MAGI2: variants seen among roughly 807,000 people sequenced by gnomAD.
MAGI2 encodes the protein membrane-associated guanylate kinase, WW and PDZ domain-containing protein 2.
In MAGI2, 35 loss-of-function variants were observed where a neutral mutation model predicts 133.3. The observed-to-expected ratio is 0.26, with a 90% CI of 0.20 to 0.35. MAGI2 has a LOEUF of 0.35. Ranked by LOEUF, MAGI2 falls within the 10% of genes least tolerant of loss-of-function variation. The pLI is 1.00. For synonymous variants in MAGI2, 729 were observed against 710.6 expected (o/e 1.03, Z -0.41); for missense variants, 1,636 against 1,863.4 (o/e 0.88, Z 2.25).
At chr7:78,863,328 T>C (rs764767597) in intron 2 of MAGI2, among the ~76,000 whole-genome samples, 11 of 152,172 alleles carry the variant, frequency 7.2e-5, no homozygotes, top group Non-Finnish European at 1.3e-4. Flanking sequence ...CTTTTCTGGC[T>C]GAAAAATTGT....
chr7:79,279,572 A>T (rs745460650), intron 1 of MAGI2, among the ~76,000 whole-genome samples: 2 of 152,100 alleles, frequency 1.3e-5, no homozygotes, highest in Non-Finnish European at 2.9e-5. Context: ...GAAAGGCCCA[A>T]GTGGGAGAAT....
At chr7:78,731,963 C>A (rs1008833992) in intron 2 of MAGI2, among the ~76,000 whole-genome samples, 3 of 151,810 alleles carry the variant, frequency 2.0e-5, no homozygotes, top group Admixed American at 2.0e-4. Context: ...ACATTCCAGG[C>A]TTGAAGTGAA....
chr7:78,514,762 GCA>G (rs1795900155), intron 4 of MAGI2, among the ~76,000 whole-genome samples: 1 of 152,204 alleles, frequency 6.6e-6, no homozygotes, highest in Admixed American at 6.5e-5. Flanking sequence ...GATGGTGCAT[GCA>G]CAGTCAGCGT....
intron 21 of MAGI2, among the ~76,000 whole-genome samples, chr7:78,056,315 T>G (rs1242445126): frequency 6.6e-6 from 1 of 152,230 alleles, no homozygotes; most frequent in Admixed American, 6.5e-5. Context: ...ATCCCATTAC[T>G]GGGTATATAC....
chr7:78,721,524 G>A (rs1336307830), intron 2 of MAGI2, among the ~76,000 whole-genome samples: 1 of 151,920 alleles, frequency 6.6e-6, no homozygotes, highest in Admixed American at 6.6e-5. Context: ...GGCAGGTCCC[G>A]GGTAGATGCA....
At chr7:78,343,361 TG>T (rs57636309) in intron 9 of MAGI2, among the ~76,000 whole-genome samples, 2,851 of 152,278 alleles carry the variant, frequency 0.019, 40 homozygotes, top group Non-Finnish European at 0.028. Flanking sequence ...CCGTATGAGA[TG>T]GGCATGTATA....
chr7:78,207,610 C>G (rs189232566), intron 10 of MAGI2, among the ~76,000 whole-genome samples: 90 of 152,154 alleles, frequency 5.9e-4, no homozygotes, highest in African/African-American at 2.1e-3. Flanking sequence ...TCATGTATTC[C>G]TTATTAAAAT....
chr7:78,546,723 G>T (rs1450525270), intron 3 of MAGI2, among the ~76,000 whole-genome samples: 1 of 151,876 alleles, frequency 6.6e-6, no homozygotes, highest in East Asian at 1.9e-4. Flanking sequence ...GTATAATTTA[G>T]GATTAGGAGT....
intron 20 of MAGI2, among the ~76,000 whole-genome samples, chr7:78,082,670 C>T (rs536460259): frequency 1.3e-5 from 2 of 152,162 alleles, no homozygotes; most frequent in South Asian, 2.1e-4. Flanking sequence ...CTTACTAAAT[C>T]GAGGAAAAAA....
intron 1 of MAGI2, among the ~76,000 whole-genome samples, chr7:79,135,077 T>C (rs1210025217): frequency 6.6e-6 from 1 of 152,234 alleles, no homozygotes; most frequent in Non-Finnish European, 1.5e-5. Flanking sequence ...TGAGTCTGTC[T>C]GCACAGTGTC....
chr7:79,298,798 T>C (rs1837149026), intron 1 of MAGI2, among the ~76,000 whole-genome samples: 1 of 151,990 alleles, frequency 6.6e-6, no homozygotes, highest in African/African-American at 2.4e-5. Flanking sequence ...ACAGGACTAG[T>C]GTACATATAA....
At chr7:79,038,866 C>T (rs1811357484) in intron 1 of MAGI2, among the ~76,000 whole-genome samples, 2 of 152,122 alleles carry the variant, frequency 1.3e-5, no homozygotes, top group African/African-American at 2.4e-5. Flanking sequence ...CATGGTACTC[C>T]ATGCTACACA....
At chr7:79,186,564 T>C (rs1372488155) in intron 1 of MAGI2, among the ~76,000 whole-genome samples, 1 of 149,462 alleles carries the variant, frequency 6.7e-6, no homozygotes, top group Non-Finnish European at 1.5e-5. Flanking sequence ...AGAAGGACTG[T>C]TTGGGATTGC....
chr7:78,068,269 G>A (rs892089418), intron 21 of MAGI2, among the ~76,000 whole-genome samples: 5 of 152,164 alleles, frequency 3.3e-5, no homozygotes, highest in African/African-American at 1.2e-4. Flanking sequence ...CCACTGATCT[G>A]ACAGGAGGTG....
intron 1 of MAGI2, among the ~76,000 whole-genome samples, chr7:79,165,766 G>C (rs1824844716): frequency 6.6e-6 from 1 of 151,982 alleles, no homozygotes; most frequent in South Asian, 2.1e-4. Context: ...TCAACTTTCA[G>C]ACAGGATCAT....
At chr7:79,336,904 T>C (rs1840476506) in intron 1 of MAGI2, among the ~76,000 whole-genome samples, 1 of 151,690 alleles carries the variant, frequency 6.6e-6, no homozygotes, top group Admixed American at 6.6e-5. Flanking sequence ...AATGAACAAA[T>C]CTAGAGATCT....
chr7:79,325,035 G>A (rs1839583989), intron 1 of MAGI2, among the ~76,000 whole-genome samples: 1 of 151,858 alleles, frequency 6.6e-6, no homozygotes, highest in East Asian at 1.9e-4. Flanking sequence ...TAAGATGAGA[G>A]ACAAATAACT....
At chr7:78,571,153 T>A (rs778185593) in intron 3 of MAGI2, among the ~76,000 whole-genome samples, 1 of 152,194 alleles carries the variant, frequency 6.6e-6, no homozygotes, top group African/African-American at 2.4e-5. Context: ...GGAATTATCA[T>A]CACCTTCATT....
At chr7:78,289,953 A>G (rs112455624) in intron 9 of MAGI2, among the ~76,000 whole-genome samples, 2 of 152,190 alleles carry the variant, frequency 1.3e-5, no homozygotes, top group African/African-American at 4.8e-5. Context: ...TGAAGGAAGC[A>G]CTAAACAAAC....
Sources: gnomAD v4.1 joint callset for allele counts (sites outside exome capture counted in the v4.1 genomes callset) on GRCh38, gnomAD v4.1.1 for gene constraint, MANE v1.5 for transcripts, NCBI Gene and HGNC (gene_info 2026-07-23, HGNC 2026-07-21) for gene names.